The following NBEAL1 variants were observed in gnomAD, a reference collection of about 807,000 sequenced individuals.
The protein encoded by NBEAL1 is neurobeachin like 1.
NBEAL1 carries 273 observed loss-of-function variants against 351.3 expected under a neutral mutation model. The ratio of observed to expected loss-of-function variants is 0.78; its 90% CI spans 0.70 to 0.86. The LOEUF (loss-of-function observed/expected upper bound fraction) is 0.86. Among genes scored for constraint, NBEAL1 ranks in the 40% least tolerant of loss-of-function variants. The pLI is 0.00. For missense variants in NBEAL1, 2,961 were observed against 3,201.3 expected (o/e 0.92, Z 1.81); for synonymous variants, 1,050 against 1,086.4 (o/e 0.97, Z 0.66).
At chr2:203,063,877 G>A (rs2061539146) in intron 6 of NBEAL1, among the ~76,000 whole-genome samples, 1 of 152,138 alleles carries the variant, frequency 6.6e-6, no homozygotes. Context: ...AGTGAAGGGT[G>A]TTGCTTACAG....
In NBEAL1 at chr2:203,121,939, C is replaced by T. The variant is rs2062841295; in HGVS notation, c.2593-315C>T. Among the ~76,000 whole-genome samples the T allele has an allele frequency of 2.0e-5, 3 of 151,928 alleles. No homozygotes were observed. In the South Asian group the frequency reaches 6.3e-4, roughly 32 times the overall value. ...TAGCTGGGATTACAGGTGCCCACCA[C>T]CACACCCGGCTAGTTTTTATATTTT... On this transcript the variant is annotated intron_variant, in intron 18 of 55. Coordinates refer to ENST00000683969, the MANE Select transcript of NBEAL1 (RefSeq NM_001378026.1).
Position 203,220,568 on chromosome 2 carries a change from C to T in NBEAL1, c.*3214C>T, listed in dbSNP as rs934900380. On this transcript the variant is annotated 3_prime_UTR_variant, in exon 56 of 56. Transcript: ENST00000683969. ...CTGGTGATGACAAAAATAAAAATCTCAGCATCCTGGTGATAGGAAGAGATT... is the reference window on the plus strand; with the variant it reads ...CTGGTGATGACAAAAATAAAAATCTTAGCATCCTGGTGATAGGAAGAGATT... 1.3e-5 allele frequency among the ~76,000 whole-genome samples: 2 copies of T among 151,992 alleles called. No homozygotes were observed. Among genetic ancestry groups the T allele is most frequent in the Admixed American group, 6.6e-5 (1 of 15,246 alleles).
At chr2:203,068,705 AATG>A (rs772163862) in intron 7 of NBEAL1, among the ~76,000 whole-genome samples, 65 of 152,058 alleles carry the variant, frequency 4.3e-4, no homozygotes, top group Non-Finnish European at 8.2e-4. Context: ...TGAATATTTT[AATG>A]ATGGTGGTAT....
chr2:203,099,801 T>C, intron 12 of NBEAL1, 89 bp downstream of exon 12: 1 of 804,750 alleles, frequency 1.2e-6, no homozygotes, highest in Non-Finnish European at 1.9e-6. Context: ...TATAGGTAAA[T>C]TGGATATCAT....
chr2:203,036,783 T>G (rs550345760), intron 2 of NBEAL1, among the ~76,000 whole-genome samples: 1 of 149,194 alleles, frequency 6.7e-6, no homozygotes, highest in Non-Finnish European at 1.5e-5. Flanking sequence ...AGCCAGACCT[T>G]TAGAATTTGA....
chr2:203,195,915 T>C (rs2065229288), intron 47 of NBEAL1, among the ~76,000 whole-genome samples: 1 of 152,132 alleles, frequency 6.6e-6, no homozygotes, highest in Admixed American at 6.5e-5. Flanking sequence ...GCACAAACAC[T>C]CTAGGTGTAG....
intron 2 of NBEAL1, among the ~76,000 whole-genome samples, chr2:203,030,243 T>G (rs192869806): frequency 6.6e-6 from 1 of 152,166 alleles, no homozygotes; most frequent in Non-Finnish European, 1.5e-5. Flanking sequence ...CTTAAAAGCA[T>G]TGAAAAACTG....
chr2:203,076,492 A>C (rs1217950653), intron 7 of NBEAL1, among the ~76,000 whole-genome samples: 2 of 137,310 alleles, frequency 1.5e-5, no homozygotes, highest in African/African-American at 2.8e-5. Context: ...CAAACAAACA[A>C]ACAAAAAAAA....
intron 53 of NBEAL1, 25 bp downstream of exon 53, chr2:203,209,347 G>A: frequency 6.4e-7 from 1 of 1,572,832 alleles, no homozygotes; most frequent in Non-Finnish European, 8.7e-7. Flanking sequence ...ATGCAATAGA[G>A]GTAGACTCCC....
intron 44 of NBEAL1, 123 bp downstream of exon 44, chr2:203,183,511 C>G (rs2064795087): frequency 3.5e-6 from 2 of 569,646 alleles, no homozygotes; most frequent in Non-Finnish European, 6.1e-6. Context: ...TATATGCTGA[C>G]TTTAGAAAGT....
chr2:203,146,088 A>T (rs779391383), intron 33 of NBEAL1, among the ~76,000 whole-genome samples: 18 of 152,002 alleles, frequency 1.2e-4, no homozygotes, highest in Non-Finnish European at 1.9e-4. Flanking sequence ...GGACATCAAC[A>T]TTGTAATAAG....
chr2:203,048,864 C>T (rs2061275504), intron 3 of NBEAL1, among the ~76,000 whole-genome samples: 1 of 149,038 alleles, frequency 6.7e-6, no homozygotes, highest in Non-Finnish European at 1.5e-5. Flanking sequence ...GATGCCCATG[C>T]TCAGAGCTCT....
At chr2:203,041,282 G>A (rs932266036) in intron 2 of NBEAL1, among the ~76,000 whole-genome samples, 3 of 152,304 alleles carry the variant, frequency 2.0e-5, no homozygotes, top group African/African-American at 7.2e-5. Context: ...GAGAGTCCTG[G>A]GGCCTTGTTT....
At chr2:203,196,590 CCAA>C (rs2065248036) in intron 47 of NBEAL1, among the ~76,000 whole-genome samples, 1 of 152,124 alleles carries the variant, frequency 6.6e-6, no homozygotes. Context: ...AAGATAATCA[CCAA>C]CTTTTTAAAA....
chr2:203,116,158 G>T, intron 18 of NBEAL1, 88 bp downstream of exon 18: 1 of 882,266 alleles, frequency 1.1e-6, no homozygotes, highest in Non-Finnish European at 1.8e-6. Context: ...ATTTCATTGG[G>T]TAATTAAAAG....
intron 24 of NBEAL1, among the ~76,000 whole-genome samples, chr2:203,128,842 C>T (rs572634841): frequency 6.2e-4 from 94 of 152,166 alleles, no homozygotes; most frequent in African/African-American, 1.8e-3. Context: ...GTGATCCGCC[C>T]GCCTCGGCCT....
intron 51 of NBEAL1, among the ~76,000 whole-genome samples, chr2:203,206,075 G>A (rs553209953): frequency 1.3e-5 from 2 of 152,270 alleles, no homozygotes; most frequent in Admixed American, 6.5e-5. Context: ...GAGTCTTCTG[G>A]AAGATGACTC....
intron 48 of NBEAL1, among the ~76,000 whole-genome samples, chr2:203,198,856 CAAAAAA>C: frequency 1.0e-5 from 1 of 97,674 alleles, no homozygotes; most frequent in South Asian, 3.2e-4. Flanking sequence ...GACTCTATCT[CAAAAAA>C]AAAAAAAAAA....
At position 203,217,288 on chromosome 2, in the gene NBEAL1, A is replaced by C. The variant is rs1192175514; in HGVS notation, c.8106A>C (p.Gly2702=). The stretch of plus-strand genomic sequence containing the variant: ...GTCAGCTTTCTCGAAAATTTTGGGG[A>C]TCGAGCAAGCGGCTCAGCCAGATTT... ...RSGQLSRKFW[G]SSKRLSQISA... Residue 2702 remains glycine, a synonymous_variant, in exon 56 of 56, where the codon GGA becomes GGC. Transcript: ENST00000683969. 2 of 1,599,834 alleles carry C rather than the reference A, an allele frequency of 1.3e-6. No homozygotes were observed. Among genetic ancestry groups the C allele is most frequent in the Non-Finnish European group, 8.5e-7 (1 of 1,172,758 alleles).
Sources: allele counts gnomAD v4.1 joint callset (sites outside exome capture counted in the v4.1 genomes callset), GRCh38; gene constraint gnomAD v4.1.1; transcripts MANE v1.5; gene names NCBI Gene and HGNC (gene_info 2026-07-23, HGNC 2026-07-21).